Variants in CRB1 observed in about 807,000 individuals in gnomAD.
CRB1 encodes the protein crumbs cell polarity complex component 1, also known as protein crumbs homolog 1.
A neutral mutation model predicts 120.0 loss-of-function variants in CRB1; 83 were observed. That is an observed-to-expected ratio of 0.69 (90% CI 0.58 to 0.83). CRB1 has a LOEUF of 0.83. Ranked by LOEUF, CRB1 falls within the 40% of genes least tolerant of loss-of-function variation. The pLI, the probability that CRB1 is intolerant of heterozygous loss-of-function variation, is 0.00. For missense variants in CRB1, 1,699 were observed against 1,687.6 expected (o/e 1.01, Z -0.12); for synonymous variants, 625 against 612.5 (o/e 1.02, Z -0.30).
chr1:197,363,013 T>C (rs1473185340), intron 5 of CRB1, among the ~76,000 whole-genome samples: 1 of 152,090 alleles, frequency 6.6e-6, no homozygotes, highest in Admixed American at 6.5e-5. Flanking sequence ...CTGTATAGTG[T>C]TTTTAAATAT....
At chr1:197,403,109 G>A (rs1325518272) in intron 5 of CRB1, among the ~76,000 whole-genome samples, 1 of 152,086 alleles carries the variant, frequency 6.6e-6, no homozygotes, top group Non-Finnish European at 1.5e-5. Flanking sequence ...GCCAGATTTT[G>A]GGTTTTCTTC....
In CRB1 at chr1:197,456,464, T is replaced by C. The variant is rs1331869309; in HGVS notation, c.4005+14172T>C. 3.3e-5 allele frequency among the ~76,000 whole-genome samples: 5 copies of C among 152,224 alleles called. No individual in the cohort carries two copies. In the East Asian group the frequency reaches 9.7e-4, roughly 29 times the overall value. ...TGAAATTAAGATGAAAATGATAGTA[T>C]ATAGTAAGTACAAAATTGTCCCATT... On this transcript the variant is annotated intron_variant, in intron 11 of 11. Transcript: ENST00000367400.
At chr1:197,219,126 A>G in the CRB1 span, among the ~76,000 whole-genome samples, 1 of 152,256 alleles carries the variant, frequency 6.6e-6, no homozygotes, top group African/African-American at 2.4e-5. Context: ...AGCATAAGAC[A>G]TGAGTATGAC....
At chr1:197,245,995 G>A in the CRB1 span, among the ~76,000 whole-genome samples, 1 of 152,070 alleles carries the variant, frequency 6.6e-6, no homozygotes. Context: ...TTTCCAGCAG[G>A]GCTCCTATGA....
intron 1 of CRB1, among the ~76,000 whole-genome samples, chr1:197,314,467 C>T (rs868819428): frequency 5.2e-4 from 79 of 152,080 alleles, no homozygotes; most frequent in African/African-American, 1.9e-3. Context: ...TTCTTGCAAG[C>T]TAATTTCAAC....
At chr1:197,336,812 A>G (rs867029348) in intron 2 of CRB1, among the ~76,000 whole-genome samples, 18 of 152,342 alleles carry the variant, frequency 1.2e-4, no homozygotes, top group Admixed American at 4.6e-4. Flanking sequence ...CATGCTGTGG[A>G]AGAACAAAGA....
chr1:197,386,831 C>T lies in CRB1; in HGVS notation c.1171+29818C>T, dbSNP rs142593000. On this transcript the variant is annotated intron_variant, in intron 5 of 11. Transcript: ENST00000367400. ...TTAAGCTCTTTTAAGAAAATCGGAG[C>T]GAATATTTTCCCTGCTTTTATCCTA... 7.6e-4 allele frequency among the ~76,000 whole-genome samples: 115 copies of T among 152,082 alleles called. No individual in the cohort carries two copies. In the East Asian group the frequency reaches 0.02, roughly 27 times the overall value.
At chr1:197,202,532 G>A in the CRB1 span, among the ~76,000 whole-genome samples, 5 of 152,054 alleles carry the variant, frequency 3.3e-5, no homozygotes, top group Admixed American at 1.3e-4. Context: ...AAATAACTAA[G>A]CAGATTAAAA....
chr1:197,331,270 A>T (rs552736040), intron 2 of CRB1, among the ~76,000 whole-genome samples: 25 of 152,268 alleles, frequency 1.6e-4, no homozygotes, highest in African/African-American at 5.8e-4. Flanking sequence ...TCTTCCATAT[A>T]TTTCTGGGCA....
At chr1:197,260,764 C>T in the CRB1 span, among the ~76,000 whole-genome samples, 6 of 151,712 alleles carry the variant, frequency 4.0e-5, no homozygotes, top group African/African-American at 9.7e-5. Flanking sequence ...TAGGGAGATC[C>T]TGGCTCACTG....
intron 2 of CRB1, among the ~76,000 whole-genome samples, chr1:197,335,568 G>A (rs1009643680): frequency 6.6e-6 from 1 of 151,708 alleles, no homozygotes; most frequent in Admixed American, 6.6e-5. Flanking sequence ...GTGCAATCTC[G>A]GCTCGCTGCA....
intron 5 of CRB1, among the ~76,000 whole-genome samples, chr1:197,405,536 C>T (rs554962253): frequency 1.3e-5 from 2 of 151,870 alleles, no homozygotes; most frequent in East Asian, 2.0e-4. Flanking sequence ...CCTGGCCGCC[C>T]ATCGTCTGGG....
intron 6 of CRB1, 27 bp downstream of exon 6, chr1:197,421,983 A>G (rs370985720): frequency 1.7e-4 from 278 of 1,604,726 alleles, no homozygotes; most frequent in Non-Finnish European, 1.9e-4. Flanking sequence ...TGCTATGGCT[A>G]GGAGTGCCAT....
the CRB1 span, chr1:197,222,730 G>A: frequency 1.3e-5 from 11 of 868,848 alleles, no homozygotes; most frequent in Non-Finnish European, 1.8e-5. Context: ...AATTCTCTGA[G>A]TAGGAACAAT....
chr1:197,401,207 A>C (rs1267716285), intron 5 of CRB1, among the ~76,000 whole-genome samples: 5 of 151,938 alleles, frequency 3.3e-5, no homozygotes. Flanking sequence ...GTTTTTTTAA[A>C]TTGGTGTTTT....
intron 1 of CRB1, among the ~76,000 whole-genome samples, chr1:197,271,963 A>G (rs1364486991): frequency 6.6e-6 from 1 of 152,204 alleles, no homozygotes. Flanking sequence ...TAGAGTTACC[A>G]GAACAATGTT....
At chr1:197,359,464 A>T (rs2821117) in intron 5 of CRB1, among the ~76,000 whole-genome samples, 1 of 152,014 alleles carries the variant, frequency 6.6e-6, no homozygotes, top group Non-Finnish European at 1.5e-5. Flanking sequence ...TATATCAAAG[A>T]TTTTTTAACC....
At chr1:197,422,071 T>C (rs1664365116) in intron 6 of CRB1, 115 bp downstream of exon 6, 2 of 946,914 alleles carry the variant, frequency 2.1e-6, no homozygotes, top group Non-Finnish European at 3.2e-6. Flanking sequence ...CCCACAAGAC[T>C]TCTGCTGCTG....
chr1:197,280,105 A>G (rs983786007), intron 1 of CRB1, among the ~76,000 whole-genome samples: 5 of 151,864 alleles, frequency 3.3e-5, no homozygotes, highest in Admixed American at 2.0e-4. Flanking sequence ...TCACACAACC[A>G]TATCACACGG....
Sources: gnomAD v4.1 joint callset for allele counts (sites outside exome capture counted in the v4.1 genomes callset) on GRCh38, gnomAD v4.1.1 for gene constraint, MANE v1.5 for transcripts, NCBI Gene and HGNC (gene_info 2026-07-23, HGNC 2026-07-21) for gene names.